The following ITGA11 variants were observed in gnomAD, a reference collection of about 807,000 sequenced individuals.
The protein encoded by ITGA11 is integrin subunit alpha 11, also known as integrin alpha-11.
Under a neutral mutation model 141.9 loss-of-function variants are expected in ITGA11, and 97 were observed. That is an observed-to-expected ratio of 0.68 (90% CI 0.58 to 0.81). The LOEUF is 0.81. ITGA11 is among the 30% of genes least tolerant of loss of function. The pLI is 0.00. For synonymous variants in ITGA11, 658 were observed against 624.6 expected, an observed-to-expected ratio of 1.05 and a Z score of -0.80; for missense variants, 1,387 against 1,559.2, an observed-to-expected ratio of 0.89 and a Z score of 1.86.
chr15:68,428,652 G>A (rs1333309899), intron 1 of ITGA11, among the ~76,000 whole-genome samples: 2 of 152,208 alleles, frequency 1.3e-5, no homozygotes, highest in Non-Finnish European at 2.9e-5. Context: ...TCTCCACTGG[G>A]AAGGAGAGGC....
At chr15:68,396,699 A>G (rs539064530) in intron 2 of ITGA11, among the ~76,000 whole-genome samples, 1 of 151,096 alleles carries the variant, frequency 6.6e-6, no homozygotes, top group South Asian at 2.1e-4. Flanking sequence ...AGTTATTAGA[A>G]ATAATAAATG....
In ITGA11 at chr15:68,312,787, T is replaced by C. The variant is rs781603389; in HGVS notation, c.2959A>G (p.Ser987Gly). ...TCCAGCCTCACCCTGAAGATGCAGC[T>C]GAAGGGAGGCCCGATACCATCGTAT... ...ERYDGIGPPFSCIFRIQNLGL... is the reference protein window; with the variant it reads ...ERYDGIGPPFGCIFRIQNLGL... Residue 987 changes from serine (S) to glycine (G), a missense_variant, in exon 24 of 30, where the codon AGC (serine) becomes GGC (glycine). Physicochemically the swap from Ser to Gly is moderately conservative, Grantham distance 56 (BLOSUM62 0). Transcript: ENST00000315757. 8.9e-5 allele frequency: 143 copies of C among 1,613,156 alleles called. No individual in the cohort carries two copies. The East Asian group carries it at 3.1e-3, about 35-fold the overall frequency.
chr15:68,424,837 A>G (rs1440365904), intron 1 of ITGA11, among the ~76,000 whole-genome samples: 1 of 152,264 alleles, frequency 6.6e-6, no homozygotes, highest in Non-Finnish European at 1.5e-5. Flanking sequence ...TCCCCTAAAA[A>G]GGTTCCCAAA....
At chr15:68,403,274 T>C (rs1199796660) in intron 1 of ITGA11, among the ~76,000 whole-genome samples, 1 of 152,166 alleles carries the variant, frequency 6.6e-6, no homozygotes, top group African/African-American at 2.4e-5. Context: ...ATGGTTTCAA[T>C]GTGTATCCCT....
At chr15:68,389,179 A>C (rs570005329) in intron 2 of ITGA11, among the ~76,000 whole-genome samples, 28 of 151,266 alleles carry the variant, frequency 1.9e-4, no homozygotes, top group South Asian at 1.1e-3. Context: ...AATTCCCTCC[A>C]CCCCCACAGC....
chr15:68,338,345 CTG>C (rs2140312827), intron 11 of ITGA11, among the ~76,000 whole-genome samples: 1 of 152,372 alleles, frequency 6.6e-6, no homozygotes, highest in East Asian at 1.9e-4. Context: ...GCGCACATGT[CTG>C]TGTCTCCCAC....
At chr15:68,332,191 T>A (rs1433176371) in intron 13 of ITGA11, 129 bp from the exon 14 acceptor site, 1 of 1,252,978 alleles carries the variant, frequency 8.0e-7, no homozygotes, top group African/African-American at 1.5e-5. Flanking sequence ...TCTGGCTATA[T>A]GAACCCAGCC....
In ITGA11 at chr15:68,372,306, G is replaced by T. The variant is rs868835809; in HGVS notation, c.165-3022C>A. Among the ~76,000 whole-genome samples, 21 of 152,188 alleles carry T rather than the reference G, an allele frequency of 1.4e-4. 2 individuals are homozygous for T. In the Middle Eastern group the frequency reaches 0.024, roughly 173 times the overall value. Reference sequence around the variant, plus strand: ...CGTCACCACTGAGACCAGCCAAATTGCCTGGGGTCTGGCAGCCCCTGCCAC... The same window carrying T: ...CGTCACCACTGAGACCAGCCAAATTTCCTGGGGTCTGGCAGCCCCTGCCAC... On this transcript the variant is annotated intron_variant, in intron 2 of 29. Transcript: ENST00000315757.
rs370750953 is a variant in ITGA11 at position 68,402,986 on chromosome 15, G to A, written c.96C>T (p.Val32=). 9.3e-6 allele frequency: 15 copies of A among 1,613,644 alleles called. No individual in the cohort carries two copies. In the African/African-American group the frequency reaches 1.9e-4, roughly 20 times the overall value. The stretch of plus-strand genomic sequence containing the variant: ...AGAAGGCGGTCCTGGAGCCAGGGAT[G>A]ACCCGGGGCTTCCTGGTGTCCATGT... The part of the protein sequence containing the change: ...TFNMDTRKPR[V]IPGSRTAFFG... The change falls in exon 2 of 30, where the codon GTC becomes GTT. Residue 32 remains valine (V), a synonymous_variant. Coordinates refer to ENST00000315757, the MANE Select transcript of ITGA11 (RefSeq NM_001004439.2).
chr15:68,335,914 T>C lies in ITGA11; in HGVS notation c.1277-69A>G, dbSNP rs559877389. ...AGCAGGCGTTGCTTGGCCCGGTGCA[T>C]GGCTTGGCAGTGCCAGAGGATGGGC... On this transcript the variant is annotated intron_variant, in intron 11 of 29. Transcript: ENST00000315757. This position sits in a 1 kb window ranked among gnomAD's most constrained non-coding sequence, Gnocchi z 4.9. 760 of 1,546,698 alleles carry C rather than the reference T, an allele frequency of 4.9e-4. 4 individuals carry two copies. The African/African-American group carries it at 9.4e-3, about 19-fold the overall frequency.
chr15:68,342,094 A>T (rs934844857), intron 10 of ITGA11, among the ~76,000 whole-genome samples: 1 of 152,206 alleles, frequency 6.6e-6, no homozygotes, highest in African/African-American at 2.4e-5. Context: ...AGTATGTCAC[A>T]ATCTCTTCCC....
At chr15:68,395,417 G>T (rs1896208615) in intron 2 of ITGA11, among the ~76,000 whole-genome samples, 1 of 151,764 alleles carries the variant, frequency 6.6e-6, no homozygotes, top group African/African-American at 2.4e-5. Context: ...TCATAAGGAA[G>T]CTAAAAGCCT....
At chr15:68,408,545 C>T (rs910618635) in intron 1 of ITGA11, among the ~76,000 whole-genome samples, 3 of 151,954 alleles carry the variant, frequency 2.0e-5, no homozygotes, top group African/African-American at 4.8e-5. Context: ...GAGTGGCTCA[C>T]GGGAAGCACG....
At chr15:68,323,152 C>T (rs986633846) in intron 18 of ITGA11, among the ~76,000 whole-genome samples, 2 of 152,330 alleles carry the variant, frequency 1.3e-5, no homozygotes, top group East Asian at 1.9e-4. Context: ...CTACCCATCT[C>T]GCCCCTCAGC....
chr15:68,390,437 T>C (rs989014147), intron 2 of ITGA11, among the ~76,000 whole-genome samples: 1 of 152,096 alleles, frequency 6.6e-6, no homozygotes, highest in African/African-American at 2.4e-5. Flanking sequence ...GGGAGTGATG[T>C]TCTTTCTCAC....
chr15:68,355,559 A>G (rs1174062281), intron 7 of ITGA11, among the ~76,000 whole-genome samples: 1 of 150,870 alleles, frequency 6.6e-6, no homozygotes, highest in African/African-American at 2.4e-5. Flanking sequence ...TGATCCTCCC[A>G]CCTCATCCTC....
At chr15:68,317,836 G>A (rs1893646046) in intron 20 of ITGA11, among the ~76,000 whole-genome samples, 1 of 152,166 alleles carries the variant, frequency 6.6e-6, no homozygotes, top group Admixed American at 6.5e-5. Context: ...TGGGCACATG[G>A]CTGTGTATGT....
chr15:68,377,282 G>GT (rs1895752129), intron 2 of ITGA11, among the ~76,000 whole-genome samples: 1 of 151,920 alleles, frequency 6.6e-6, no homozygotes. Context: ...CTTTTGTTTT[G>GT]TTTTTTTGAG....
At chr15:68,382,833 A>G (rs1895895553) in intron 2 of ITGA11, among the ~76,000 whole-genome samples, 1 of 152,276 alleles carries the variant, frequency 6.6e-6, no homozygotes, top group African/African-American at 2.4e-5. Flanking sequence ...GAGGGAAAGC[A>G]GGAATTCAAC....
Sources: allele counts gnomAD v4.1 joint callset (sites outside exome capture counted in the v4.1 genomes callset), GRCh38; gene constraint gnomAD v4.1.1; non-coding constraint Gnocchi (gnomAD v3.1); transcripts MANE v1.5; gene names NCBI Gene and HGNC (gene_info 2026-07-23, HGNC 2026-07-21).